CMTM4: variants seen among roughly 807,000 people sequenced by gnomAD.
CMTM4 encodes CKLF-like MARVEL transmembrane domain-containing protein 4.
In CMTM4, 8 loss-of-function variants were observed where a neutral mutation model predicts 19.0. The observed-to-expected ratio is 0.42, with a 90% CI of 0.25 to 0.76. CMTM4 has a LOEUF of 0.76. Among genes scored for constraint, CMTM4 ranks in the 30% least tolerant of loss-of-function variants. The pLI, the probability that CMTM4 is intolerant of heterozygous loss-of-function variation, is 0.27. For missense variants in CMTM4, 228 were observed against 290.2 expected (o/e 0.79, Z 1.56); for synonymous variants, 106 against 121.1 (o/e 0.88, Z 0.82).
chr16:66,691,513 C>T (rs957733257), intron 1 of CMTM4, among the ~76,000 whole-genome samples: 10 of 152,112 alleles, frequency 6.6e-5, no homozygotes, highest in Admixed American at 3.3e-4. Context: ...CCAACCTGGG[C>T]AACACAGGGA....
chr16:66,653,412 T>A lies in CMTM4; in HGVS notation c.187-16831A>T, dbSNP rs186837639. On this transcript the variant is annotated intron_variant, in intron 1 of 3. Transcript: ENST00000394106. ...CCTCTACACCATCCAGAGAGAGAGG[T>A]CTTGGAACCAGTCTCTGGGAGAGGG... is the stretch of plus-strand genomic sequence containing the variant. Among the ~76,000 whole-genome samples the A allele has an allele frequency of 1.5e-4, 22 of 151,722 alleles. No individual in the cohort carries two copies. The East Asian group carries it at 4.1e-3, about 28-fold the overall frequency.
At chr16:66,673,502 G>T (rs79537470) in intron 1 of CMTM4, among the ~76,000 whole-genome samples, 1 of 151,900 alleles carries the variant, frequency 6.6e-6, no homozygotes, top group East Asian at 1.9e-4. Context: ...CACTGCACCC[G>T]GCCCACGTTA....
At chr16:66,624,152 T>C (rs1311976403) in intron 2 of CMTM4, among the ~76,000 whole-genome samples, 1 of 152,220 alleles carries the variant, frequency 6.6e-6, no homozygotes, top group African/African-American at 2.4e-5. Context: ...ACAAGCTACT[T>C]TGTTTCTGTG....
intron 1 of CMTM4, among the ~76,000 whole-genome samples, chr16:66,649,170 G>A (rs571039562): frequency 1.3e-5 from 2 of 152,226 alleles, no homozygotes; most frequent in African/African-American, 2.4e-5. Context: ...TCATGGCTGT[G>A]TAATAGCCAC....
intron 2 of CMTM4, among the ~76,000 whole-genome samples, chr16:66,633,104 T>C (rs28406840): frequency 4.0e-5 from 1 of 24,812 alleles, no homozygotes; most frequent in African/African-American, 9.9e-5. Context: ...TATATATAAA[T>C]ATATATATAT....
chr16:66,687,193 A>C (rs929004214), intron 1 of CMTM4, among the ~76,000 whole-genome samples: 7 of 149,696 alleles, frequency 4.7e-5, no homozygotes, highest in African/African-American at 1.7e-4. Flanking sequence ...TTAAGCTTCA[A>C]GTTTGTCCAA....
intron 1 of CMTM4, among the ~76,000 whole-genome samples, chr16:66,639,209 C>CTAAACTTT (rs1369442026): frequency 6.6e-6 from 1 of 152,168 alleles, no homozygotes; most frequent in Non-Finnish European, 1.5e-5. Context: ...AGGGAAACTC[C>CTAAACTTT]TAAACTTTCC....
the CMTM4 span, chr16:66,604,447 C>T: frequency 1.1e-5 from 2 of 183,656 alleles, no homozygotes; most frequent in Non-Finnish European, 2.2e-5. Context: ...CCGGAGACAG[C>T]GAGTATAGAC....
the CMTM4 span, among the ~76,000 whole-genome samples, chr16:66,606,147 C>T: frequency 1.3e-5 from 2 of 151,946 alleles, no homozygotes; most frequent in Non-Finnish European, 2.9e-5. Context: ...GAAGGGTGAA[C>T]GGTCAGCACT....
intron 1 of CMTM4, among the ~76,000 whole-genome samples, chr16:66,654,339 G>C (rs1215294923): frequency 6.6e-6 from 1 of 152,096 alleles, no homozygotes; most frequent in Admixed American, 6.6e-5. Flanking sequence ...CACCTGCACT[G>C]GACTTCCACT....
chr16:66,683,173 A>ATG (rs1555502507), intron 1 of CMTM4, among the ~76,000 whole-genome samples: 37 of 84,164 alleles, frequency 4.4e-4, no homozygotes, highest in African/African-American at 1.4e-3. Flanking sequence ...ATATATATAT[A>ATG]TACATATGTA....
the CMTM4 span, among the ~76,000 whole-genome samples, chr16:66,606,681 C>T: frequency 1.3e-5 from 2 of 152,188 alleles, no homozygotes; most frequent in Admixed American, 6.5e-5. Context: ...CCAACACCCA[C>T]AGGGCCAAGT....
intron 1 of CMTM4, among the ~76,000 whole-genome samples, chr16:66,659,973 A>C (rs2016471877): frequency 3.9e-5 from 6 of 152,352 alleles, no homozygotes; most frequent in Admixed American, 3.9e-4. Flanking sequence ...TCTCCACAAT[A>C]AGAAACAACC....
intron 1 of CMTM4, among the ~76,000 whole-genome samples, chr16:66,648,627 C>T (rs12595942): frequency 0.043 from 6,561 of 151,794 alleles, 267 homozygotes; most frequent in East Asian, 0.16. Flanking sequence ...CATTGCACTC[C>T]GGCCTGGGCA....
intron 1 of CMTM4, among the ~76,000 whole-genome samples, chr16:66,653,019 C>T (rs1215850184): frequency 6.6e-6 from 1 of 152,212 alleles, no homozygotes; most frequent in African/African-American, 2.4e-5. Flanking sequence ...AACTACACTG[C>T]TGCCATTAGG....
Position 66,621,465 on chromosome 16 carries a change from A to G in CMTM4, c.*593T>C. 1.0e-6 allele frequency: 1 copy of G among 986,042 alleles called. No homozygotes were observed. Among genetic ancestry groups the G allele is most frequent in the Non-Finnish European group, 1.2e-6 (1 of 830,054 alleles). 61.1% of individuals were successfully genotyped at this position (986,042 alleles called of 1,614,324 possible). On this transcript the variant is annotated 3_prime_UTR_variant, in exon 4 of 4. Transcript: ENST00000394106. The stretch of plus-strand genomic sequence containing the variant: ...TCAAGTGATTTCTCAGCAGAGTAGG[A>G]AACAAAAGGTCACCCTTCCTTGAGT...
chr16:66,601,296 A>T, the CMTM4 span, among the ~76,000 whole-genome samples: 1 of 152,134 alleles, frequency 6.6e-6, no homozygotes, highest in Admixed American at 6.5e-5. Context: ...GTCAACAAGG[A>T]GGTTTACTGA....
the CMTM4 span, chr16:66,608,531 C>T: frequency 5.9e-6 from 9 of 1,524,496 alleles, no homozygotes; most frequent in Non-Finnish European, 8.1e-6. The surrounding 1 kb of genome is among the most constrained non-coding windows in gnomAD (Gnocchi z 5.1). Flanking sequence ...AGTCCAGAGT[C>T]GTGCACTTGG....
chr16:66,623,946 C>T (rs2015687730), intron 2 of CMTM4, among the ~76,000 whole-genome samples: 1 of 152,192 alleles, frequency 6.6e-6, no homozygotes, highest in Non-Finnish European at 1.5e-5. Context: ...CACACTTAGC[C>T]AGACTTCACG....
Sources: gnomAD v4.1 joint callset for allele counts (sites outside exome capture counted in the v4.1 genomes callset) on GRCh38, gnomAD v4.1.1 for gene constraint, Gnocchi (gnomAD v3.1) non-coding constraint, MANE v1.5 for transcripts, NCBI Gene and HGNC (gene_info 2026-07-23, HGNC 2026-07-21) for gene names.